The following PTPN21 variants were observed in gnomAD, a reference collection of about 807,000 sequenced individuals.
The protein encoded by PTPN21 is tyrosine-protein phosphatase non-receptor type 21.
PTPN21 carries 77 observed loss-of-function variants against 131.8 expected under a neutral mutation model. The ratio of observed to expected loss-of-function variants is 0.58; its 90% CI spans 0.49 to 0.71. PTPN21 has a LOEUF of 0.71. Ranked by LOEUF, PTPN21 falls within the 30% of genes least tolerant of loss-of-function variation. The pLI, the probability that PTPN21 is intolerant of heterozygous loss-of-function variation, is 0.00. For missense variants in PTPN21, 1,552 were observed against 1,527.1 expected, an observed-to-expected ratio of 1.02 and a Z score of -0.27; for synonymous variants, 715 against 621.3, an observed-to-expected ratio of 1.15 and a Z score of -2.24.
rs1292928860 is a variant in PTPN21 at position 88,518,342 on chromosome 14, A to G, written c.181-1081T>C. Among the ~76,000 whole-genome samples, 13 of 105,616 alleles carry G rather than the reference A, an allele frequency of 1.2e-4. No homozygotes were observed. In the Admixed American group the frequency reaches 1.3e-3, roughly 10 times the overall value. The allele number at this position is 105,616 out of a possible 152,430, so 69.3% of individuals were successfully genotyped here. Reference sequence around the variant, plus strand: ...TACGTATATATACACATATATGTGTATAAGTGTATATATACATACACGTGT... The same window carrying G: ...TACGTATATATACACATATATGTGTGTAAGTGTATATATACATACACGTGT... On this transcript the variant is annotated intron_variant, in intron 2 of 18. Coordinates refer to ENST00000556564, the MANE Select transcript of PTPN21 (RefSeq NM_007039.4).
At chr14:88,533,744 G>A (rs1043627599) in intron 2 of PTPN21, among the ~76,000 whole-genome samples, 5 of 152,020 alleles carry the variant, frequency 3.3e-5, no homozygotes, top group Non-Finnish European at 7.4e-5. Context: ...TCAGCCAGGT[G>A]TGGTGGTGTA....
Position 88,480,163 on chromosome 14 carries a change from C to A in PTPN21, c.1268G>T (p.Gly423Val), listed in dbSNP as rs2077629004. Reference sequence around the variant, plus strand: ...GTAGTCAGGCCTCATGACGTCACTCCCGGTGATGCTAGGGTTGGACGACAT... The same window carrying A: ...GTAGTCAGGCCTCATGACGTCACTCACGGTGATGCTAGGGTTGGACGACAT... ...SPMSSNPSIT[G>V]SDVMRPDYLP... Residue 423 changes from glycine to valine, a missense_variant, in exon 13 of 19, where the codon GGG becomes GTG. Coordinates refer to ENST00000556564, the MANE Select transcript of PTPN21 (RefSeq NM_007039.4). The A allele has an allele frequency of 1.2e-6, 2 of 1,613,938 alleles. No individual in the cohort carries two copies. Among genetic ancestry groups the A allele is most frequent in the African/African-American group, 1.3e-5 (1 of 74,884 alleles).
In PTPN21 at chr14:88,495,622, A is replaced by G. The variant is rs573425465; in HGVS notation, c.932+791T>C. Among the ~76,000 whole-genome samples the G allele has an allele frequency of 3.3e-5, 5 of 152,280 alleles. No individual in the cohort carries two copies. The South Asian group carries it at 6.2e-4, about 19-fold the overall frequency. On this transcript the variant is annotated intron_variant, in intron 10 of 18. Transcript: ENST00000556564. ...GAGGACAGGTCAGGAGAAGCCCCCT[A>G]GACGAAAGGATTTGGAGAAAAGGCC... is the stretch of plus-strand genomic sequence containing the variant.
chr14:88,530,651 G>A (rs938734698), intron 2 of PTPN21, among the ~76,000 whole-genome samples: 4 of 151,974 alleles, frequency 2.6e-5, no homozygotes, highest in Admixed American at 6.6e-5. Flanking sequence ...TATATTGGGC[G>A]AATCAGGCTT....
In PTPN21 at chr14:88,480,107, G is replaced by A. The variant is rs778480259; in HGVS notation, c.1324C>T (p.Pro442Ser). 2 of 1,614,168 alleles carry A rather than the reference G, an allele frequency of 1.2e-6. No individual in the cohort carries two copies. The highest frequency in any genetic ancestry group is 1.3e-5 in the African/African-American group (1 of 75,050). The part of the protein sequence containing the change: ...LPSHRHSAVI[P>S]PSYRPTPDYE... ...TCTGGGGTGGGGCGGTAGGACGGGG[G>A]TATCACGGCGCTGTGCCGATGGGAC... is the stretch of plus-strand genomic sequence containing the variant. The change falls in exon 13 of 19, where the codon CCC becomes TCC. Residue 442 changes from proline to serine, a missense_variant. Transcript: ENST00000556564.
At chr14:88,525,739 C>T (rs532275065) in intron 2 of PTPN21, among the ~76,000 whole-genome samples, 1 of 152,112 alleles carries the variant, frequency 6.6e-6, no homozygotes, top group Non-Finnish European at 1.5e-5. Context: ...GCTCAAGAAA[C>T]ACATGTATAT....
In PTPN21 at chr14:88,504,619, T is replaced by C. The variant is rs753800597; in HGVS notation, c.517-124A>G. ...CAAAATTATGACTATTGTTACTATA[T>C]GGGAGCTTTGTTTACATAGGTAATC... On this transcript the variant is annotated intron_variant, in intron 5 of 18. Coordinates refer to ENST00000556564, the MANE Select transcript of PTPN21 (RefSeq NM_007039.4). The C allele has an allele frequency of 1.7e-5, 12 of 698,566 alleles. No individual in the cohort carries two copies. In the Admixed American group the frequency reaches 1.9e-4, roughly 11 times the overall value. 43.3% of individuals were successfully genotyped at this position (698,566 alleles called of 1,614,324 possible). A position where few individuals can be genotyped will look rare whatever the true frequency, so the allele number is the denominator to read the frequency against.
At position 88,480,421 on chromosome 14, in the gene PTPN21, G is replaced by A. The variant is rs544635804; in HGVS notation, c.1079-69C>T. The A allele has an allele frequency of 4.8e-5, 58 of 1,205,816 alleles. No individual in the cohort carries two copies. In the South Asian group the frequency reaches 7.9e-4, roughly 16 times the overall value. 74.7% of individuals were successfully genotyped at this position (1,205,816 alleles called of 1,614,324 possible). ...ATTACTCCAACCAAATACTGAGATC[G>A]GCCCTTACCTCTGATGACATTTTTA... On this transcript the variant is annotated intron_variant, in intron 12 of 18. Transcript: ENST00000556564.
At position 88,468,114 on chromosome 14, in the gene PTPN21, GCCCCGTAAGA is replaced by G; in HGVS notation, c.*13_*22del. 6.2e-7 allele frequency: 1 copy of G among 1,612,914 alleles called. No homozygotes were observed. The highest frequency in any genetic ancestry group is 8.5e-7 in the Non-Finnish European group (1 of 1,179,008). ...AAGCTGTAAACGCTTCACATGACTG[GCCCCGTAAGA>G]AATTGTGGGAGCTTAGATGAGCCTG... On this transcript the variant is annotated 3_prime_UTR_variant, in exon 19 of 19. Coordinates refer to ENST00000556564, the MANE Select transcript of PTPN21 (RefSeq NM_007039.4).
At chr14:88,514,469 C>CTT (rs555587081) in intron 3 of PTPN21, among the ~76,000 whole-genome samples, 33 of 140,792 alleles carry the variant, frequency 2.3e-4, no homozygotes, top group African/African-American at 4.7e-4. Context: ...TTTCTTTTTT[C>CTT]TTTTTTTTTT....
At chr14:88,522,573 C>T (rs756628885) in intron 2 of PTPN21, among the ~76,000 whole-genome samples, 5 of 151,908 alleles carry the variant, frequency 3.3e-5, no homozygotes, top group African/African-American at 4.8e-5. Flanking sequence ...ATGACTTTCT[C>T]GTGCGTAACT....
At chr14:88,503,529 G>A (rs777258581) in intron 6 of PTPN21, among the ~76,000 whole-genome samples, 11 of 152,128 alleles carry the variant, frequency 7.2e-5, no homozygotes, top group Non-Finnish European at 1.6e-4. Context: ...ACTGTACTTC[G>A]AGGACCCACG....
chr14:88,490,665 C>G (rs567230650), intron 10 of PTPN21, among the ~76,000 whole-genome samples: 1 of 152,296 alleles, frequency 6.6e-6, no homozygotes, highest in South Asian at 2.1e-4. Context: ...TCTAGTCAGT[C>G]TCCTGATTAC....
chr14:88,469,094 A>C lies in PTPN21; in HGVS notation c.3236-18T>G, dbSNP rs2077412661. On this transcript the variant is annotated intron_variant, in intron 17 of 18. Transcript: ENST00000556564. The surrounding 1 kb of genome is among the most constrained non-coding windows in gnomAD (Gnocchi z 4.3). ...AAGATATGCTGTGGAAAATCAATGA[A>C]ATAGAAAAGTACTCAAGGATCAAGG... The C allele has an allele frequency of 3.1e-6, 5 of 1,601,204 alleles. No homozygotes were observed. The highest frequency in any genetic ancestry group is 4.3e-6 in the Non-Finnish European group (5 of 1,170,500).
chr14:88,547,790 C>A, intron 2 of PTPN21: 2 of 386,946 alleles, frequency 5.2e-6, no homozygotes, highest in South Asian at 4.0e-5. Context: ...GAGGGGTCTG[C>A]GATGTCCTCT....
At chr14:88,490,510 G>C (rs1019188754) in intron 10 of PTPN21, among the ~76,000 whole-genome samples, 4 of 152,066 alleles carry the variant, frequency 2.6e-5, no homozygotes, top group African/African-American at 9.7e-5. Flanking sequence ...GGGAACTACT[G>C]GGTCCTCTCT....
In PTPN21 at chr14:88,554,747, G is replaced by C. The variant is rs980799938; in HGVS notation, c.-299C>G. ...CCGCGCGGCCGCCGCAGCCGCACCC[G>C]CACGCCAGCCCGGGCCGCGGCGCGC... On this transcript the variant is annotated 5_prime_UTR_variant, in exon 1 of 19. Transcript: ENST00000556564. The C allele has an allele frequency of 6.7e-6, 1 of 148,904 alleles. No individual in the cohort carries two copies. Among genetic ancestry groups the C allele is most frequent in the Admixed American group, 6.7e-5 (1 of 14,906 alleles). The allele number at this position is 148,904 out of a possible 1,614,324, so 9.2% of individuals were successfully genotyped here.
intron 5 of PTPN21, 99 bp from the exon 6 acceptor site, chr14:88,504,594 C>T (rs1462843491): frequency 2.2e-6 from 2 of 894,006 alleles, no homozygotes; most frequent in Non-Finnish European, 3.7e-6. Context: ...CACTATCAGG[C>T]AAAATTATGA....
chr14:88,543,900 G>A (rs997508738), intron 2 of PTPN21, among the ~76,000 whole-genome samples: 14 of 151,830 alleles, frequency 9.2e-5, no homozygotes, highest in Non-Finnish European at 1.6e-4. Context: ...CAATAAAGAC[G>A]CCCCAGCATG....
Sources: allele counts gnomAD v4.1 joint callset (sites outside exome capture counted in the v4.1 genomes callset), GRCh38; gene constraint gnomAD v4.1.1; non-coding constraint Gnocchi (gnomAD v3.1); transcripts MANE v1.5; gene names NCBI Gene and HGNC (gene_info 2026-07-23, HGNC 2026-07-21).